The following PPFIA2 variants were observed in gnomAD, a reference collection of about 807,000 sequenced individuals.
PPFIA2 encodes the protein liprin-alpha-2.
Under a neutral mutation model 175.5 loss-of-function variants are expected in PPFIA2, and 46 were observed. The observed-to-expected ratio is 0.26, with a 90% CI of 0.21 to 0.34. The LOEUF (loss-of-function observed/expected upper bound fraction) is 0.34. Ranked by LOEUF, PPFIA2 falls within the 10% of genes least tolerant of loss-of-function variation. The pLI is 1.00. For missense variants in PPFIA2, 1,179 were observed against 1,506.1 expected, an observed-to-expected ratio of 0.78 and a Z score of 3.60; for synonymous variants, 568 against 511.4, an observed-to-expected ratio of 1.11 and a Z score of -1.49.
intron 3 of PPFIA2, among the ~76,000 whole-genome samples, chr12:81,692,732 A>C (rs541135285): frequency 6.6e-6 from 1 of 152,226 alleles, no homozygotes; most frequent in African/African-American, 2.4e-5. Flanking sequence ...TGAATCATAA[A>C]ATTGTACACA....
At chr12:81,521,356 A>G (rs1375619179) in intron 4 of PPFIA2, among the ~76,000 whole-genome samples, 3 of 152,100 alleles carry the variant, frequency 2.0e-5, no homozygotes, top group Non-Finnish European at 4.4e-5. Flanking sequence ...CATCTAATTG[A>G]GCTGGTGATG....
intron 3 of PPFIA2, among the ~76,000 whole-genome samples, chr12:81,747,660 T>C (rs1259756600): frequency 1.5e-5 from 2 of 137,402 alleles, no homozygotes; most frequent in Non-Finnish European, 3.2e-5. Context: ...AACGATCTTA[T>C]GAGGCAGTTT....
chr12:81,478,073 G>C (rs1248292567), intron 4 of PPFIA2, among the ~76,000 whole-genome samples: 1 of 152,042 alleles, frequency 6.6e-6, no homozygotes, highest in East Asian at 1.9e-4. Context: ...ATTAATTACT[G>C]CCTCAATTTC....
At chr12:81,470,681 T>A (rs115279379) in intron 4 of PPFIA2, among the ~76,000 whole-genome samples, 25 of 152,316 alleles carry the variant, frequency 1.6e-4, no homozygotes, top group African/African-American at 4.6e-4. Context: ...TGTTCAACAG[T>A]GGAGGAATGA....
chr12:81,433,224 A>C (rs1249585689), intron 7 of PPFIA2, among the ~76,000 whole-genome samples: 1 of 152,126 alleles, frequency 6.6e-6, no homozygotes, highest in Non-Finnish European at 1.5e-5. Context: ...AGATTTTCTT[A>C]ATCATTCTGT....
chr12:81,756,200 T>C (rs570066908), intron 2 of PPFIA2, among the ~76,000 whole-genome samples: 105 of 152,126 alleles, frequency 6.9e-4, no homozygotes, highest in Non-Finnish European at 1.3e-3. Flanking sequence ...GGAGAGCAAA[T>C]CATAGCATCA....
chr12:81,597,302 A>C (rs1265614126), intron 4 of PPFIA2, among the ~76,000 whole-genome samples: 1 of 152,060 alleles, frequency 6.6e-6, no homozygotes, highest in Non-Finnish European at 1.5e-5. Context: ...CAGGCAATTG[A>C]AATACATTTA....
At chr12:81,463,139 T>A (rs983094813) in intron 4 of PPFIA2, among the ~76,000 whole-genome samples, 2 of 152,072 alleles carry the variant, frequency 1.3e-5, no homozygotes, top group Non-Finnish European at 2.9e-5. Context: ...CATGATGGAA[T>A]ATTATGCAAA....
chr12:81,328,996 G>T (rs1470768281), intron 21 of PPFIA2, among the ~76,000 whole-genome samples: 2 of 151,884 alleles, frequency 1.3e-5, no homozygotes, highest in African/African-American at 4.8e-5. Flanking sequence ...TAGAGATGAG[G>T]TCTTGCTATG....
At chr12:81,615,846 G>A (rs2061383691) in intron 4 of PPFIA2, among the ~76,000 whole-genome samples, 1 of 152,160 alleles carries the variant, frequency 6.6e-6, no homozygotes, top group Non-Finnish European at 1.5e-5. Context: ...AGAGCATGTT[G>A]TGCTGAGGGA....
rs544581357 is a variant in PPFIA2, at chr12:81,436,371, G to T, written c.645+3601C>A. Among the ~76,000 whole-genome samples the T allele has an allele frequency of 2.3e-5, 3 of 131,566 alleles. No individual in the cohort carries two copies. The South Asian group carries it at 7.4e-4, about 32-fold the overall frequency. The allele number at this position is 131,566 out of a possible 152,430, so 86.3% of individuals were successfully genotyped here. A position where few individuals can be genotyped will look rare whatever the true frequency, so the allele number is the denominator to read the frequency against. On this transcript the variant is annotated intron_variant, in intron 7 of 32. Coordinates refer to ENST00000549396, the MANE Select transcript of PPFIA2 (RefSeq NM_003625.5). ...CAGATAAACGTTTCTCCAGCTCCTT[G>T]CTCATTTAGTCATACGCAGGACTTT...
At chr12:81,647,068 G>T (rs893101354) in intron 4 of PPFIA2, among the ~76,000 whole-genome samples, 3 of 126,100 alleles carry the variant, frequency 2.4e-5, no homozygotes, top group African/African-American at 9.5e-5. Context: ...AAAAAAAAGG[G>T]GGGGGGAGCG....
chr12:81,625,629 C>T (rs2062613451), intron 4 of PPFIA2, among the ~76,000 whole-genome samples: 1 of 151,556 alleles, frequency 6.6e-6, no homozygotes, highest in African/African-American at 2.4e-5. Context: ...ATTTTAATGA[C>T]ACAAACCTGA....
chr12:81,698,888 T>C (rs868653806), intron 3 of PPFIA2, among the ~76,000 whole-genome samples: 4 of 152,134 alleles, frequency 2.6e-5, no homozygotes, highest in African/African-American at 4.8e-5. Context: ...GTATGTTCCA[T>C]GACAATTAAC....
intron 4 of PPFIA2, among the ~76,000 whole-genome samples, chr12:81,462,554 G>A (rs2054771827): frequency 8.4e-6 from 1 of 118,496 alleles, no homozygotes; most frequent in Non-Finnish European, 1.7e-5. Context: ...GTATATGTGT[G>A]TGTGTATATA....
intron 4 of PPFIA2, among the ~76,000 whole-genome samples, chr12:81,602,723 GAC>G (rs1162808491): frequency 1.3e-5 from 2 of 151,640 alleles, no homozygotes; most frequent in African/African-American, 2.4e-5. Context: ...GGAGTAATGC[GAC>G]ACAGTTAAGA....
In PPFIA2 at chr12:81,409,019, T is replaced by C. The variant is rs1401772881; in HGVS notation, c.646-3116A>G. 3.3e-5 allele frequency among the ~76,000 whole-genome samples: 5 copies of C among 152,190 alleles called. No individual in the cohort carries two copies. In the East Asian group the frequency reaches 9.6e-4, roughly 29 times the overall value. Reference sequence around the variant, plus strand: ...TCCCCTTTGGGTGTTAAGCATTTTCTTCAATCTGTTTTAAAGAGTGAAGAG... The same window carrying C: ...TCCCCTTTGGGTGTTAAGCATTTTCCTCAATCTGTTTTAAAGAGTGAAGAG... On this transcript the variant is annotated intron_variant, in intron 7 of 32. Transcript: ENST00000549396.
intron 3 of PPFIA2, among the ~76,000 whole-genome samples, chr12:81,716,737 T>C (rs1254070490): frequency 1.3e-5 from 2 of 151,758 alleles, no homozygotes; most frequent in Non-Finnish European, 2.9e-5. Flanking sequence ...TTTGTTACAT[T>C]TTCATGTATT....
intron 27 of PPFIA2, among the ~76,000 whole-genome samples, chr12:81,278,182 G>C (rs1177864358): frequency 2.6e-5 from 4 of 152,174 alleles, no homozygotes; most frequent in Admixed American, 2.6e-4. Context: ...TTGTGTTTAA[G>C]TATGAAATAC....
Sources: gnomAD v4.1 joint callset for allele counts (sites outside exome capture counted in the v4.1 genomes callset) on GRCh38, gnomAD v4.1.1 for gene constraint, MANE v1.5 for transcripts, NCBI Gene and HGNC (gene_info 2026-07-23, HGNC 2026-07-21) for gene names.